The following FCGR2B variants were observed in gnomAD, a reference collection of about 807,000 sequenced individuals.
FCGR2B encodes the protein low affinity immunoglobulin gamma Fc region receptor II-b.
In FCGR2B, 18 loss-of-function variants were observed where a neutral mutation model predicts 24.8. The observed-to-expected ratio is 0.73, with a 90% CI of 0.50 to 1.08. The LOEUF is 1.08. Among genes scored for constraint, FCGR2B ranks in the 50% least tolerant of loss-of-function variants. The pLI, the probability that FCGR2B is intolerant of heterozygous loss-of-function variation, is 0.00. For missense variants in FCGR2B, 215 were observed against 297.6 expected (o/e 0.72, Z 2.04); for synonymous variants, 79 against 109.8 (o/e 0.72, Z 1.75).
the FCGR2B span, among the ~76,000 whole-genome samples, chr1:161,655,977 TTC>T: frequency 8.0e-6 from 1 of 124,360 alleles, no homozygotes; most frequent in Non-Finnish European, 1.8e-5. Flanking sequence ...TGTCTCAGCC[TTC>T]CAAATAGTTG....
At chr1:161,660,876 A>G (rs1680952062), upstream of FCGR2B, among the ~76,000 whole-genome samples, 1 of 35,618 alleles carries the variant, frequency 2.8e-5, no homozygotes. Flanking sequence ...CAACATGGCA[A>G]AACCTCAGTT....
intron 2 of FCGR2B, 123 bp from the exon 3 acceptor site, chr1:161,671,269 T>C: frequency 6.6e-7 from 1 of 1,512,714 alleles, no homozygotes; most frequent in South Asian, 1.2e-5. Context: ...AGAACCATTC[T>C]GGGCCTGGCT....
chr1:161,677,360 G>T lies in FCGR2B; in HGVS notation c.850G>T (p.Val284Phe). 3 of 1,613,686 alleles carry T rather than the reference G, an allele frequency of 1.9e-6. No individual in the cohort carries two copies. The highest frequency in any genetic ancestry group is 2.5e-6 in the Non-Finnish European group (3 of 1,179,860). Residue 284 changes from valine to phenylalanine, a missense_variant, in exon 7 of 8, where the codon GTT becomes TTT. By Grantham distance (50) the Val-to-Phe change is conservative (BLOSUM62 -1). Coordinates refer to ENST00000358671, the MANE Select transcript of FCGR2B (RefSeq NM_001394477.1). ...NPTNPDEADK[V>F]GAENTITYSL... ...CACTAATCCTGATGAGGCTGACAAAGTTGGGGTGAGTGATCCCAGCCATCT... is the reference window on the plus strand; with the variant it reads ...CACTAATCCTGATGAGGCTGACAAATTTGGGGTGAGTGATCCCAGCCATCT...
At chr1:161,676,124 C>T (rs1682109441) in intron 6 of FCGR2B, 1 of 230,046 alleles carries the variant, frequency 4.3e-6, no homozygotes, top group South Asian at 1.8e-4. Flanking sequence ...TGCCAGGCAA[C>T]TTCCAGACTG....
chr1:161,675,244 G>T lies in FCGR2B; in HGVS notation c.761-13G>T. The T allele has an allele frequency of 6.2e-7, 1 of 1,602,918 alleles. No homozygotes were observed. Among genetic ancestry groups the T allele is most frequent in the Non-Finnish European group, 8.5e-7 (1 of 1,174,886 alleles). ...CCGCCTAATCCTACTAACCTCCTGT[G>T]TGCCCCTCCCAGCTCTCCCAGGATA... On this transcript the variant is annotated splice_polypyrimidine_tract_variant and intron_variant, in intron 5 of 7. Transcript: ENST00000358671.
At chr1:161,649,959 T>C in the FCGR2B span, among the ~76,000 whole-genome samples, 1 of 150,404 alleles carries the variant, frequency 6.6e-6, no homozygotes, top group Non-Finnish European at 1.5e-5. Context: ...GAAAGAAGAG[T>C]ACATTTGGGA....
chr1:161,677,899 A>T lies in FCGR2B; in HGVS notation c.*346A>T, dbSNP rs1223270066. On this transcript the variant is annotated 3_prime_UTR_variant, in exon 8 of 8. Coordinates refer to ENST00000358671, the MANE Select transcript of FCGR2B (RefSeq NM_001394477.1). ...ACAGGTTACGTGAGAACAATCATGT[A>T]AATCTATATGATTTCAGAAATGTTA... The T allele has an allele frequency of 1.4e-5, 4 of 276,878 alleles. No individual in the cohort carries two copies. The East Asian group carries it at 1.7e-4, about 12-fold the overall frequency. The allele number at this position is 276,878 out of a possible 1,614,324, so 17.2% of individuals were successfully genotyped here.
intron 3 of FCGR2B, chr1:161,672,066 C>T (rs1681709853): frequency 4.4e-6 from 1 of 226,860 alleles, no homozygotes; most frequent in Non-Finnish European, 8.6e-6. Flanking sequence ...ATCAGTGTTT[C>T]CCTGCCCCCG....
chr1:161,675,822 G>T (rs548857697), intron 6 of FCGR2B: 33 of 234,454 alleles, frequency 1.4e-4, no homozygotes, highest in African/African-American at 5.9e-4. Context: ...GGAGGTTTGG[G>T]CTTGAGAAAA....
At chr1:161,653,405 CAATAAATAAATA>C in the FCGR2B span, among the ~76,000 whole-genome samples, 1 of 107,480 alleles carries the variant, frequency 9.3e-6, no homozygotes, top group Non-Finnish European at 2.1e-5. Flanking sequence ...GACTCCATCT[CAATAAATAAATA>C]AATAAATAAA....
intron 5 of FCGR2B, 151 bp from the exon 6 acceptor site, chr1:161,675,106 T>C (rs549123509): frequency 5.7e-4 from 334 of 581,822 alleles, no homozygotes; most frequent in Middle Eastern, 8.8e-4. Flanking sequence ...GGGAGCAGCC[T>C]CTGAGCAGGG....
intron 6 of FCGR2B, chr1:161,677,123 C>A (rs1682213919): frequency 1.7e-6 from 1 of 593,666 alleles, no homozygotes; most frequent in Admixed American, 3.5e-5. Flanking sequence ...TCACCTTGGC[C>A]TTTGCGGAAG....
chr1:161,653,503 G>GT, the FCGR2B span, among the ~76,000 whole-genome samples: 49 of 137,072 alleles, frequency 3.6e-4, no homozygotes, highest in Admixed American at 9.3e-4. Flanking sequence ...CCACAGGCGA[G>GT]TTTTTTTTTT....
the FCGR2B span, among the ~76,000 whole-genome samples, chr1:161,653,102 A>G: frequency 7.5e-6 from 1 of 134,156 alleles, no homozygotes; most frequent in South Asian, 2.6e-4. Flanking sequence ...GAATATATAT[A>G]TAAATAAGGA....
rs1435322943 is a variant in FCGR2B at position 161,669,598 on chromosome 1, A to G, written c.113-654A>G. On this transcript the variant is annotated intron_variant, in intron 1 of 7. Transcript: ENST00000358671. ...ACAAAATAAAATAAAATAAAATAAA[A>G]TAAAATAAAATAAAATAAAATAAAA... is the stretch of plus-strand genomic sequence containing the variant. Among the ~76,000 whole-genome samples, 3 of 142,726 alleles carry G rather than the reference A, an allele frequency of 2.1e-5. 1 individual carries two copies. The highest frequency in any genetic ancestry group is 4.7e-5 in the Non-Finnish European group (3 of 63,346). 93.6% of individuals were successfully genotyped at this position (142,726 alleles called of 152,430 possible). A position where few individuals can be genotyped will look rare whatever the true frequency, so the allele number is the denominator to read the frequency against.
chr1:161,676,378 A>G (rs1682134265), intron 6 of FCGR2B: 2 of 187,988 alleles, frequency 1.1e-5, no homozygotes, highest in East Asian at 8.6e-5. Flanking sequence ...CACCAGGGCC[A>G]AAACAGATCT....
chr1:161,649,883 C>A, the FCGR2B span, among the ~76,000 whole-genome samples: 1 of 149,808 alleles, frequency 6.7e-6, no homozygotes, highest in South Asian at 2.1e-4. Flanking sequence ...CGTGCAAGAA[C>A]TTTATTGATT....
intron 6 of FCGR2B, 151 bp downstream of exon 6, chr1:161,675,464 G>A (rs906906027): frequency 2.0e-5 from 11 of 560,214 alleles, no homozygotes; most frequent in East Asian, 1.3e-4. Context: ...CGCTTGGTCA[G>A]CTCTTAGTCT....
At chr1:161,661,314 C>A (rs1421733903), upstream of FCGR2B, among the ~76,000 whole-genome samples, 1 of 137,526 alleles carries the variant, frequency 7.3e-6, no homozygotes, top group African/African-American at 2.8e-5. Flanking sequence ...GGAAAAACTC[C>A]ACAGGTTACT....
Sources: allele counts gnomAD v4.1 joint callset (sites outside exome capture counted in the v4.1 genomes callset), GRCh38; gene constraint gnomAD v4.1.1; transcripts MANE v1.5; gene names NCBI Gene and HGNC (gene_info 2026-07-23, HGNC 2026-07-21).